The following IQSEC2 variants were observed in gnomAD, a reference collection of about 807,000 sequenced individuals.
IQSEC2 encodes IQ motif and Sec7 domain ArfGEF 2.
IQSEC2 carries 6 observed loss-of-function variants against 74.6 expected under a neutral mutation model. The observed-to-expected ratio is 0.08, with a 90% CI of 0.04 to 0.16. IQSEC2 has a LOEUF of 0.16. Ranked by LOEUF, IQSEC2 falls within the 10% of genes least tolerant of loss-of-function variation. The pLI, the probability that IQSEC2 is intolerant of heterozygous loss-of-function variation, is 1.00. For synonymous variants in IQSEC2, 494 were observed against 544.5 expected, an observed-to-expected ratio of 0.91 and a Z score of 1.29; for missense variants, 734 against 1,306.2, an observed-to-expected ratio of 0.56 and a Z score of 6.75.
At chrX:53,280,909 T>C (rs2074948243) in intron 2 of IQSEC2, among the ~76,000 whole-genome samples, 1 of 112,086 alleles carries the variant, frequency 8.9e-6, no homozygotes, top group African/African-American at 3.3e-5. Flanking sequence ...AGAGGCAGAC[T>C]GTGGTCAGGG....
chrX:53,284,949 G>A (rs782194131), intron 2 of IQSEC2, among the ~76,000 whole-genome samples: 22 of 112,180 alleles, frequency 2.0e-4, no homozygotes, highest in Non-Finnish European at 3.8e-5. Flanking sequence ...AAGCAACCAG[G>A]GCCACAGTTC....
chrX:53,288,318 T>C (rs2146407506), intron 2 of IQSEC2, among the ~76,000 whole-genome samples: 1 of 111,562 alleles, frequency 9.0e-6, no homozygotes, highest in East Asian at 2.8e-4. Flanking sequence ...TCCTCCCACT[T>C]CTCCTCCAAC....
intron 1 of IQSEC2, among the ~76,000 whole-genome samples, chrX:53,314,911 C>T (rs1362278666): frequency 9.0e-6 from 1 of 111,143 alleles, no homozygotes; most frequent in African/African-American, 3.3e-5. Flanking sequence ...AGCAGGGGTC[C>T]TGGGAGCTCT....
intron 3 of IQSEC2, 126 bp from the exon 4 acceptor site, chrX:53,255,057 C>G: frequency 1.6e-6 from 1 of 633,521 alleles, no homozygotes; most frequent in Non-Finnish European, 2.5e-6. Context: ...GAGCGCCAGG[C>G]TAGGTGCTCA....
intron 2 of IQSEC2, among the ~76,000 whole-genome samples, chrX:53,271,018 G>A (rs1479802210): frequency 5.5e-5 from 6 of 109,424 alleles, no homozygotes; most frequent in African/African-American, 2.0e-4. Flanking sequence ...TTCAAGAACT[G>A]TTCATGGCTC....
chrX:53,284,753 G>A (rs1210471155), intron 2 of IQSEC2, among the ~76,000 whole-genome samples: 1 of 112,038 alleles, frequency 8.9e-6, no homozygotes, highest in African/African-American at 3.2e-5. Flanking sequence ...CGGGCACCTG[G>A]TCACACATGG....
At chrX:53,263,179 C>T (rs925259229) in intron 2 of IQSEC2, among the ~76,000 whole-genome samples, 12 of 111,585 alleles carry the variant, frequency 1.1e-4, no homozygotes, top group African/African-American at 2.9e-4. Context: ...AGTGGGTGAA[C>T]GAGGAAGCAA....
intron 8 of IQSEC2, among the ~76,000 whole-genome samples, chrX:53,244,081 T>G (rs1440197637): frequency 5.5e-5 from 6 of 110,027 alleles, no homozygotes; most frequent in African/African-American, 2.0e-4. Context: ...TAGCCAGGCA[T>G]GGCACCATGT....
downstream of IQSEC2, chrX:53,230,285 T>C (rs1393534960): frequency 8.9e-6 from 1 of 112,860 alleles, no homozygotes; most frequent in Non-Finnish European, 1.9e-5. Context: ...CCTGCACTTA[T>C]TTTATCATCT....
At chrX:53,237,645 T>C (rs1051536588) in intron 12 of IQSEC2, 1 of 144,915 alleles carries the variant, frequency 6.9e-6, no homozygotes, top group African/African-American at 3.0e-5. Context: ...GGAATTGATA[T>C]GTGGGCAGAG....
intron 1 of IQSEC2, among the ~76,000 whole-genome samples, chrX:53,294,820 A>ATTTG (rs1472814237): frequency 9.1e-6 from 1 of 110,321 alleles, no homozygotes; most frequent in African/African-American, 3.3e-5. Flanking sequence ...TTATTTATTT[A>ATTTG]TTTGTTTGTT....
chrX:53,242,733 C>CT (rs1335132185), intron 9 of IQSEC2, among the ~76,000 whole-genome samples: 2,079 of 105,730 alleles, frequency 0.02, 48 homozygotes, highest in African/African-American at 0.062. Flanking sequence ...AAAGCGTTTT[C>CT]TTTTTTTTTT....
chrX:53,255,990 C>T lies in IQSEC2; in HGVS notation c.809G>A (p.Arg270Gln), dbSNP rs782463684. ...VDSPGSQPPY[R>Q]LSQLPPSSSH... ...GCTGGAGGGGGGCAGCTGGCTCAGCCGGTAGGGGGGTTGGCTCCCAGGACT... is the reference window on the plus strand; with the variant it reads ...GCTGGAGGGGGGCAGCTGGCTCAGCTGGTAGGGGGGTTGGCTCCCAGGACT... The change falls in exon 3 of 15, where the codon CGG (arginine) becomes CAG (glutamine). Residue 270 changes from arginine (R) to glutamine (Q), a missense_variant. This residue lies in a region of IQSEC2 where 54 missense variants were observed against 62.1 expected (regional missense o/e 0.87). Transcript: ENST00000642864. The T allele has an allele frequency of 5.9e-6, 7 of 1,187,764 alleles. No individual in the cohort carries two copies. The highest frequency in any genetic ancestry group is 1.8e-5 in the South Asian group (1 of 54,205).
At chrX:53,290,530 G>T (rs1556872838) in intron 2 of IQSEC2, among the ~76,000 whole-genome samples, 1 of 111,843 alleles carries the variant, frequency 8.9e-6, no homozygotes, top group African/African-American at 3.3e-5. Flanking sequence ...TATTCCCTTT[G>T]CTAGACAGGT....
chrX:53,269,613 C>T (rs1488401072), intron 2 of IQSEC2, among the ~76,000 whole-genome samples: 2 of 110,648 alleles, frequency 1.8e-5, no homozygotes, highest in African/African-American at 3.3e-5. Context: ...CTCCTCTTCA[C>T]AGCTAAGCTT....
chrX:53,287,400 C>T (rs1167244875), intron 2 of IQSEC2, among the ~76,000 whole-genome samples: 3 of 112,586 alleles, frequency 2.7e-5, no homozygotes, highest in African/African-American at 9.7e-5. Flanking sequence ...CACAGCCACA[C>T]GCTCCAGCCA....
intron 2 of IQSEC2, among the ~76,000 whole-genome samples, chrX:53,265,452 G>A (rs1438815230): frequency 9.0e-6 from 1 of 111,399 alleles, no homozygotes; most frequent in East Asian, 2.8e-4. Context: ...TAATCTTCAT[G>A]ACAACCCAGA....
chrX:53,303,410 T>C (rs1196759556), intron 1 of IQSEC2, among the ~76,000 whole-genome samples: 3 of 111,201 alleles, frequency 2.7e-5, no homozygotes, highest in African/African-American at 9.8e-5. Flanking sequence ...ACAAGTGGCG[T>C]GAAGACCTAC....
At chrX:53,317,633 A>G (rs1389465456) in intron 1 of IQSEC2, among the ~76,000 whole-genome samples, 1 of 111,929 alleles carries the variant, frequency 8.9e-6, no homozygotes, top group Admixed American at 9.4e-5. Flanking sequence ...AGCTCGGCCC[A>G]GGCACCACTC....
Sources: gnomAD v4.1 joint callset for allele counts (sites outside exome capture counted in the v4.1 genomes callset) on GRCh38, gnomAD v4.1.1 for gene constraint, gnomAD v4.1.1 regional missense constraint, MANE v1.5 for transcripts, NCBI Gene and HGNC (gene_info 2026-07-23, HGNC 2026-07-21) for gene names.